The following ARHGAP8 variants were observed in gnomAD, a reference collection of about 807,000 sequenced individuals.
ARHGAP8 encodes the protein rho GTPase-activating protein 8.
Under a neutral mutation model 46.1 loss-of-function variants are expected in ARHGAP8, and 62 were observed. The observed-to-expected ratio is 1.34, with a 90% confidence interval of 1.10 to 1.66. The LOEUF (loss-of-function observed/expected upper bound fraction) is 1.66, where lower values mean the gene tolerates loss of function less well. ARHGAP8 is among the 40% of genes most tolerant of loss of function. The pLI is 0.00. For missense variants in ARHGAP8, 923 were observed against 568.4 expected, an observed-to-expected ratio of 1.62 and a Z score of -6.34; for synonymous variants, 375 against 243.1, an observed-to-expected ratio of 1.54 and a Z score of -5.05.
chr22:44,791,818 C>T (rs1927709852), intron 2 of ARHGAP8, among the ~76,000 whole-genome samples: 1 of 152,198 alleles, frequency 6.6e-6, no homozygotes, highest in Non-Finnish European at 1.5e-5. Context: ...CAGCAGTCAT[C>T]AGGAACAACA....
At chr22:44,849,900 C>G (rs1429260463) in intron 10 of ARHGAP8, 1 of 152,192 alleles carries the variant, frequency 6.6e-6, no homozygotes, top group Admixed American at 6.5e-5. Context: ...GACTTCTGAA[C>G]CTTGCACTTT....
intron 7 of ARHGAP8, among the ~76,000 whole-genome samples, chr22:44,828,837 C>A (rs1319234646): frequency 6.6e-6 from 1 of 152,128 alleles, no homozygotes; most frequent in East Asian, 1.9e-4. Flanking sequence ...CTCTGCTGGG[C>A]TGATACTGCT....
chr22:44,842,094 C>T (rs1020206280), intron 7 of ARHGAP8, among the ~76,000 whole-genome samples: 2 of 152,230 alleles, frequency 1.3e-5, no homozygotes, highest in Non-Finnish European at 2.9e-5. Context: ...CGCAGTGGCT[C>T]ATGCCTATAA....
At chr22:44,828,698 C>T (rs1412444882) in intron 7 of ARHGAP8, among the ~76,000 whole-genome samples, 1 of 151,612 alleles carries the variant, frequency 6.6e-6, no homozygotes, top group Non-Finnish European at 1.5e-5. Flanking sequence ...AGTGATCCAC[C>T]TGCCTCGGCC....
chr22:44,792,382 G>A (rs984918941), intron 2 of ARHGAP8, among the ~76,000 whole-genome samples: 1 of 152,102 alleles, frequency 6.6e-6, no homozygotes, highest in Non-Finnish European at 1.5e-5. Context: ...GACTGTTCTT[G>A]GCAGAACAGA....
chr22:44,808,938 C>G, intron 4 of ARHGAP8: 3 of 376,102 alleles, frequency 8.0e-6, no homozygotes, highest in South Asian at 6.0e-5. Flanking sequence ...TTGCCTCAGC[C>G]TCCTGAGTAG....
chr22:44,758,215 C>A (rs1162058695), intron 1 of ARHGAP8, among the ~76,000 whole-genome samples: 2 of 152,104 alleles, frequency 1.3e-5, no homozygotes, highest in East Asian at 3.9e-4. Context: ...CTTTGGGAGG[C>A]CGAGGCAGGC....
chr22:44,806,042 C>T (rs774933370), intron 3 of ARHGAP8, among the ~76,000 whole-genome samples: 7 of 152,136 alleles, frequency 4.6e-5, no homozygotes, highest in Non-Finnish European at 8.8e-5. Flanking sequence ...TACAAGGAGG[C>T]GCCCAGAGTG....
At chr22:44,854,238 T>C (rs1244754104) in intron 10 of ARHGAP8, among the ~76,000 whole-genome samples, 1 of 69,848 alleles carries the variant, frequency 1.4e-5, no homozygotes, top group Non-Finnish European at 3.4e-5. Context: ...CCCTTGTATC[T>C]TTTTTTTTTT....
In ARHGAP8 at chr22:44,805,747, C is replaced by G. The variant is rs76899510; in HGVS notation, c.168-2560C>G. Among the ~76,000 whole-genome samples the G allele has an allele frequency of 4.5e-3, 682 of 152,310 alleles. 11 individuals carry two copies. Among genetic ancestry groups the G allele is most frequent in the African/African-American group, 0.016 (646 of 41,572 alleles). ...TCTCGGCCTTGATAAGAAGAGCCATCAGGCTTACTTCTCCGCAGCCTTTAT... is the reference window on the plus strand; with the variant it reads ...TCTCGGCCTTGATAAGAAGAGCCATGAGGCTTACTTCTCCGCAGCCTTTAT... On this transcript the variant is annotated intron_variant, in intron 3 of 11. Coordinates refer to ENST00000356099, the MANE Select transcript of ARHGAP8 (RefSeq NM_181335.3).
rs1477163334 is a variant in ARHGAP8 at position 44,862,355 on chromosome 22, C to G, written c.1062C>G (p.Ser354=). The change falls in exon 12 of 12, where the codon TCC becomes TCG. Residue 354 remains serine (S), a synonymous_variant. Coordinates refer to ENST00000356099, the MANE Select transcript of ARHGAP8 (RefSeq NM_181335.3). ...CVFGLNLIWP[S]QGVSSLSALV... The stretch of plus-strand genomic sequence containing the variant: ...TCGGGCTGAATTTGATCTGGCCATC[C>G]CAGGGGGTCTCCTCCCTGAGTGCCC... 3 of 1,614,074 alleles carry G rather than the reference C, an allele frequency of 1.9e-6. No homozygotes were observed. Among genetic ancestry groups the G allele is most frequent in the Admixed American group, 1.7e-5 (1 of 60,012 alleles).
intron 3 of ARHGAP8, 31 bp from the exon 4 acceptor site, chr22:44,808,276 T>C: frequency 6.3e-7 from 1 of 1,598,792 alleles, no homozygotes; most frequent in Non-Finnish European, 8.5e-7. Flanking sequence ...GTAGGTGATT[T>C]TCATAACTGA....
chr22:44,855,833 G>A (rs5766116), intron 10 of ARHGAP8, among the ~76,000 whole-genome samples: 61,768 of 151,930 alleles, frequency 0.41, 12,898 homozygotes, highest in East Asian at 0.61. Flanking sequence ...GTGTTGCTAT[G>A]AAGAAATACC....
At chr22:44,767,227 C>G (rs1213064346) in intron 1 of ARHGAP8, among the ~76,000 whole-genome samples, 1 of 152,126 alleles carries the variant, frequency 6.6e-6, no homozygotes, top group Non-Finnish European at 1.5e-5. Context: ...TCCCTCCTTC[C>G]CGCTTTCCCG....
At chr22:44,831,800 C>A (rs1930965634) in intron 7 of ARHGAP8, among the ~76,000 whole-genome samples, 1 of 152,176 alleles carries the variant, frequency 6.6e-6, no homozygotes, top group Admixed American at 6.5e-5. Flanking sequence ...CACTCTAATT[C>A]TTGCCTATTG....
intron 7 of ARHGAP8, among the ~76,000 whole-genome samples, chr22:44,833,956 C>G (rs181756893): frequency 6.6e-5 from 10 of 152,184 alleles, no homozygotes; most frequent in Admixed American, 4.6e-4. Flanking sequence ...GTTCATAGTA[C>G]TTCATAATCC....
chr22:44,845,385 G>A lies in ARHGAP8; in HGVS notation c.670+43G>A, dbSNP rs755143334. 8 of 1,612,934 alleles carry A rather than the reference G, an allele frequency of 5.0e-6. No individual in the cohort carries two copies. In the Admixed American group the frequency reaches 1.2e-4, roughly 24 times the overall value. ...CCAGCTGGATGACGTGAGGGCTGCT[G>A]GGTGCACCTCTCTGGGTGGTTTGTC... is the stretch of plus-strand genomic sequence containing the variant. On this transcript the variant is annotated intron_variant, in intron 8 of 11. Transcript: ENST00000356099.
At chr22:44,762,528 GA>G (rs749409964) in intron 1 of ARHGAP8, among the ~76,000 whole-genome samples, 1 of 146,710 alleles carries the variant, frequency 6.8e-6, no homozygotes, top group Non-Finnish European at 1.5e-5. Flanking sequence ...TACTCATTAT[GA>G]ACTCTCTCTC....
intron 7 of ARHGAP8, 83 bp downstream of exon 7, chr22:44,825,676 C>T: frequency 1.4e-6 from 2 of 1,465,680 alleles, no homozygotes. Flanking sequence ...AAATATTTTC[C>T]CCAGACGTTT....
Sources: gnomAD v4.1 joint callset for allele counts (sites outside exome capture counted in the v4.1 genomes callset) on GRCh38, gnomAD v4.1.1 for gene constraint, MANE v1.5 for transcripts, NCBI Gene and HGNC (gene_info 2026-07-23, HGNC 2026-07-21) for gene names.